The following CACNA1A variants were observed in gnomAD, a reference collection of about 807,000 sequenced individuals.
CACNA1A encodes the protein voltage-dependent P/Q-type calcium channel subunit alpha-1A.
CACNA1A carries 57 observed loss-of-function variants against 262.4 expected under a neutral mutation model. That is an observed-to-expected ratio of 0.22 (90% CI 0.18 to 0.27). CACNA1A has a LOEUF of 0.27. CACNA1A is among the 10% of genes least tolerant of loss of function. The pLI is 1.00. For synonymous variants in CACNA1A, 1,431 were observed against 1,419.3 expected, an observed-to-expected ratio of 1.01 and a Z score of -0.18; for missense variants, 2,526 against 3,562.8, an observed-to-expected ratio of 0.71 and a Z score of 7.41.
At chr19:13,419,382 C>G (rs1239391380) in intron 3 of CACNA1A, among the ~76,000 whole-genome samples, 1 of 152,178 alleles carries the variant, frequency 6.6e-6, no homozygotes, top group Non-Finnish European at 1.5e-5. Flanking sequence ...AGTTCTTAGA[C>G]TATATTTCCA....
chr19:13,416,933 A>G (rs932951548), intron 3 of CACNA1A, among the ~76,000 whole-genome samples: 4 of 152,190 alleles, frequency 2.6e-5, no homozygotes, highest in African/African-American at 9.7e-5. Context: ...ATTTTGCCAC[A>G]ATCAAAACAA....
chr19:13,377,036 T>C (rs905840922), intron 3 of CACNA1A, among the ~76,000 whole-genome samples: 2 of 151,918 alleles, frequency 1.3e-5, no homozygotes, highest in African/African-American at 4.8e-5. Context: ...CTCAGCTCAC[T>C]GCAACCTCTG....
At chr19:13,499,447 T>TGGGG (rs200317630) in intron 1 of CACNA1A, among the ~76,000 whole-genome samples, 11 of 87,702 alleles carry the variant, frequency 1.3e-4, no homozygotes, top group East Asian at 7.0e-4. Flanking sequence ...TCGCAGGGGG[T>TGGGG]GGTGGGGGGG....
At chr19:13,457,988 C>G (rs906975202) in intron 1 of CACNA1A, among the ~76,000 whole-genome samples, 1 of 151,972 alleles carries the variant, frequency 6.6e-6, no homozygotes, top group Non-Finnish European at 1.5e-5. Context: ...TGAAATATCC[C>G]GAACAGGCAA....
At chr19:13,239,457 TCCC>T (rs2055996016) in intron 31 of CACNA1A, among the ~76,000 whole-genome samples, 2 of 152,252 alleles carry the variant, frequency 1.3e-5, no homozygotes, top group East Asian at 3.9e-4. Flanking sequence ...GATGCCTGCC[TCCC>T]CCACCTGACT....
At chr19:13,226,142 C>G (rs1438282004) in intron 37 of CACNA1A, 1 of 151,658 alleles carries the variant, frequency 6.6e-6, no homozygotes, top group African/African-American at 2.4e-5. Context: ...GTCTTATGGA[C>G]CCATGGTGGT....
At chr19:13,457,932 AAAG>A (rs1346620128) in intron 1 of CACNA1A, among the ~76,000 whole-genome samples, 7 of 152,186 alleles carry the variant, frequency 4.6e-5, no homozygotes, top group African/African-American at 1.7e-4. Flanking sequence ...ATGCCAAGCG[AAAG>A]AAGCAGACAT....
intron 34 of CACNA1A, among the ~76,000 whole-genome samples, chr19:13,232,658 G>A (rs2055707723): frequency 1.3e-5 from 2 of 151,696 alleles, no homozygotes; most frequent in South Asian, 4.2e-4. Context: ...TTGAACCCAG[G>A]AGGCGGAGGT....
At position 13,250,449 on chromosome 19, in the gene CACNA1A, T is replaced by C. The variant is rs535468906; in HGVS notation, c.4866+2542A>G. 2.0e-4 allele frequency among the ~76,000 whole-genome samples: 31 copies of C among 152,140 alleles called. No homozygotes were observed. In the South Asian group the frequency reaches 5.4e-3, roughly 26 times the overall value. ...TCTCACTCTGTCACCCAGGCTGGAGTGCAGTGGCAAGATCTCGGCTCACTG... is the reference window on the plus strand; with the variant it reads ...TCTCACTCTGTCACCCAGGCTGGAGCGCAGTGGCAAGATCTCGGCTCACTG... On this transcript the variant is annotated intron_variant, in intron 30 of 46. Coordinates refer to ENST00000360228, the MANE Select transcript of CACNA1A (RefSeq NM_001127222.2).
chr19:13,480,991 A>T (rs1979229466), intron 1 of CACNA1A, among the ~76,000 whole-genome samples: 1 of 152,006 alleles, frequency 6.6e-6, no homozygotes, highest in Non-Finnish European at 1.5e-5. Context: ...CTGAAATCCC[A>T]CTTTTGTTGC....
chr19:13,235,547 A>G, intron 32 of CACNA1A, 67 bp downstream of exon 32: 2 of 1,110,134 alleles, frequency 1.8e-6, no homozygotes, highest in Non-Finnish European at 2.8e-6. Flanking sequence ...TGACTTCTAC[A>G]TTCAGCCAGA....
chr19:13,409,731 A>T (rs73507051), intron 3 of CACNA1A, among the ~76,000 whole-genome samples: 1 of 151,810 alleles, frequency 6.6e-6, no homozygotes, highest in African/African-American at 2.4e-5. Flanking sequence ...TTGTGTAGAG[A>T]CAGTGTTTTG....
In CACNA1A at chr19:13,210,637, G is replaced by A; in HGVS notation, c.6319C>T (p.Pro2107Ser). Residue 2107 changes from proline to serine, a missense_variant, in exon 44 of 47, where the codon CCA (proline) becomes TCA (serine). Physicochemically the swap from Pro to Ser is moderately conservative, Grantham distance 74. Around this residue, in one of 17 missense-constraint regions of CACNA1A, gnomAD observed 929 missense variants for 868.1 expected, o/e 1.07. Coordinates refer to ENST00000360228, the MANE Select transcript of CACNA1A (RefSeq NM_001127222.2). ...PAENQRRRGR[P>S]RGNNLSTISD... The stretch of plus-strand genomic sequence containing the variant: ...CATACACTGAGGTTATTCCCACGTG[G>A]CCGGCCCCTTCTCCTCTGTCACAGC... 6.4e-7 allele frequency: 1 copy of A among 1,565,142 alleles called. No homozygotes were observed. Among genetic ancestry groups the A allele is most frequent in the Non-Finnish European group, 8.6e-7 (1 of 1,156,224 alleles).
In CACNA1A at chr19:13,255,144, T is replaced by G; in HGVS notation, c.4706A>C (p.Tyr1569Ser). 1 of 1,613,942 alleles carries G rather than the reference T, an allele frequency of 6.2e-7. No homozygotes were observed. Among genetic ancestry groups the G allele is most frequent in the Non-Finnish European group, 8.5e-7 (1 of 1,179,852 alleles). ...GAGGGCGATCATGGCCATGATCGTG[T>G]ACTCGAAAGGCGGAGACACCACGAA... The part of the protein sequence containing the change: ...WQFVVSPPFE[Y>S]TIMAMIALNT... Residue 1569 changes from tyrosine (Y) to serine (S), a missense_variant, in exon 29 of 47, where the codon TAC becomes TCC. Physicochemically the swap from Tyr to Ser is moderately radical, Grantham distance 144. This residue lies in a region of CACNA1A where 36 missense variants were observed against 47.3 expected (regional missense o/e 0.76). Coordinates refer to ENST00000360228, the MANE Select transcript of CACNA1A (RefSeq NM_001127222.2).
intron 3 of CACNA1A, among the ~76,000 whole-genome samples, chr19:13,431,128 G>C (rs114202490): frequency 6.6e-6 from 1 of 152,054 alleles, no homozygotes; most frequent in Admixed American, 6.5e-5. Context: ...TCCAAGTGAG[G>C]TTGTGAGCAA....
In CACNA1A at chr19:13,207,750, C is replaced by G; in HGVS notation, c.7084G>C (p.Gly2362Arg). 1 of 1,372,264 alleles carries G rather than the reference C, an allele frequency of 7.3e-7. No individual in the cohort carries two copies. Among genetic ancestry groups the G allele is most frequent in the South Asian group, 1.7e-5 (1 of 57,792 alleles). The allele number at this position is 1,372,264 out of a possible 1,614,324, so 85.0% of individuals were successfully genotyped here. A position where few individuals can be genotyped will look rare whatever the true frequency, so the allele number is the denominator to read the frequency against. Residue 2362 changes from glycine (G) to arginine (R), a missense_variant, in exon 47 of 47, where the codon GGC (glycine) becomes CGC (arginine). Gly to Arg is a moderately radical substitution (Grantham distance 125). Transcript: ENST00000360228. This position sits in a 1 kb window ranked among gnomAD's most constrained non-coding sequence, Gnocchi z 5.7. ...CGCCTCTCCATCCTGGGCGAGCGGC[C>G]GCTGCTGTGGCCCCCCGTGGGCGGC... ...DRPPTGGHSS[G>R]RSPRMERRVP...
intron 10 of CACNA1A, among the ~76,000 whole-genome samples, chr19:13,322,202 G>GA (rs368879293): frequency 0.46 from 40,932 of 89,910 alleles, 8,575 homozygotes; most frequent in East Asian, 0.69. Context: ...ACTTGTCTCA[G>GA]AAAAAAAAAA....
chr19:13,288,936 T>C (rs181483626), intron 19 of CACNA1A, among the ~76,000 whole-genome samples: 104 of 152,202 alleles, frequency 6.8e-4, no homozygotes, highest in Non-Finnish European at 1.1e-3. Context: ...ACAAGCTAAT[T>C]TATTTTCAGA....
At chr19:13,452,463 T>C (rs533760524) in intron 3 of CACNA1A, 75 of 155,788 alleles carry the variant, frequency 4.8e-4, no homozygotes, top group African/African-American at 1.7e-3. Flanking sequence ...ACTTAAAACC[T>C]TGAGTTCTGG....
Sources: gnomAD v4.1 joint callset for allele counts (sites outside exome capture counted in the v4.1 genomes callset) on GRCh38, gnomAD v4.1.1 for gene constraint, gnomAD v4.1.1 regional missense constraint, Gnocchi (gnomAD v3.1) non-coding constraint, MANE v1.5 for transcripts, NCBI Gene and HGNC (gene_info 2026-07-23, HGNC 2026-07-21) for gene names.